RIMS2: variants seen among roughly 807,000 people sequenced by gnomAD.
RIMS2 encodes regulating synaptic membrane exocytosis protein 2.
Under a neutral mutation model 174.4 loss-of-function variants are expected in RIMS2, and 59 were observed. That is an observed-to-expected ratio of 0.34 (90% CI 0.27 to 0.42). RIMS2 has a LOEUF of 0.42. Ranked by LOEUF, RIMS2 falls within the 10% of genes least tolerant of loss-of-function variation. RIMS2 has a pLI of 1.00. For synonymous variants in RIMS2, 606 were observed against 572.5 expected (o/e 1.06, Z -0.84); for missense variants, 1,620 against 1,666.3 (o/e 0.97, Z 0.48).
intron 3 of RIMS2, among the ~76,000 whole-genome samples, chr8:103,778,540 T>C (rs1380694592): frequency 6.6e-6 from 1 of 152,110 alleles, no homozygotes; most frequent in African/African-American, 2.4e-5. Context: ...TTATTTCACT[T>C]AACATAATGA....
rs570313374 is a variant in RIMS2 at position 103,756,923 on chromosome 8, A to G, written c.388-9304A>G. Reference sequence around the variant, plus strand: ...ATAATCAAATGGCATTGCCAATCAAATAGTGTTCAAATAAGGACAGTTTTA... The same window carrying G: ...ATAATCAAATGGCATTGCCAATCAAGTAGTGTTCAAATAAGGACAGTTTTA... On this transcript the variant is annotated intron_variant, in intron 2 of 23. Coordinates refer to ENST00000504942, the Ensembl canonical transcript of RIMS2. Among the ~76,000 whole-genome samples the G allele has an allele frequency of 2.8e-4, 43 of 151,932 alleles. No individual in the cohort carries two copies. The South Asian group carries it at 9.0e-3, about 32-fold the overall frequency.
At chr8:103,714,649 A>T (rs914487220) in intron 2 of RIMS2, among the ~76,000 whole-genome samples, 3 of 152,198 alleles carry the variant, frequency 2.0e-5, no homozygotes, top group East Asian at 1.9e-4. Context: ...TTATTGACAG[A>T]TGATTTTGTC....
intron 1 of RIMS2, among the ~76,000 whole-genome samples, chr8:103,519,679 G>C (rs1830671773): frequency 6.7e-6 from 1 of 149,764 alleles, no homozygotes; most frequent in African/African-American, 2.5e-5. Context: ...CTTGATTTCT[G>C]GCTTGGGTTC....
chr8:103,919,826 A>T (rs1232768433), intron 9 of RIMS2, among the ~76,000 whole-genome samples: 2 of 152,154 alleles, frequency 1.3e-5, no homozygotes, highest in Non-Finnish European at 2.9e-5. Flanking sequence ...AAATGATTTT[A>T]TCCAAAGTAA....
Position 103,704,106 on chromosome 8 carries a change from T to C in RIMS2, c.387+6810T>C, listed in dbSNP as rs60251254. Among the ~76,000 whole-genome samples the C allele has an allele frequency of 1.0e-3, 152 of 151,230 alleles. 1 individual carries two copies. Among genetic ancestry groups the C allele is most frequent in the African/African-American group, 3.3e-3 (137 of 41,164 alleles). On this transcript the variant is annotated intron_variant, in intron 2 of 23. Transcript: ENST00000504942. ...TTTTAATTCTTTCCCTTCCATATGG[T>C]GCTAGCTGTAGGTTTGTCAAATATG...
chr8:104,030,794 T>TG (rs1184521531), intron 19 of RIMS2, among the ~76,000 whole-genome samples: 1 of 152,212 alleles, frequency 6.6e-6, no homozygotes, highest in African/African-American at 2.4e-5. Flanking sequence ...TCATTACCTC[T>TG]GGATATTTTA....
intron 19 of RIMS2, among the ~76,000 whole-genome samples, chr8:104,087,666 A>G (rs2097560575): frequency 6.6e-6 from 1 of 152,124 alleles, no homozygotes; most frequent in African/African-American, 2.4e-5. Context: ...GGGAGAACTA[A>G]ATAAAATAAT....
intron 19 of RIMS2, among the ~76,000 whole-genome samples, chr8:104,189,088 C>G (rs934576157): frequency 1.3e-5 from 2 of 151,774 alleles, no homozygotes; most frequent in African/African-American, 4.8e-5. Context: ...TTGTGTATTT[C>G]AAAAGTAAAT....
At chr8:103,609,906 G>T (rs2095307770) in intron 1 of RIMS2, among the ~76,000 whole-genome samples, 1 of 152,162 alleles carries the variant, frequency 6.6e-6, no homozygotes, top group South Asian at 2.1e-4. Context: ...CAGTGAATCT[G>T]TAAATTGCTT....
intron 2 of RIMS2, among the ~76,000 whole-genome samples, chr8:103,727,629 G>A (rs985203416): frequency 2.0e-5 from 3 of 152,114 alleles, no homozygotes; most frequent in African/African-American, 7.2e-5. Flanking sequence ...GCAAGAGATT[G>A]GGATCTAGTC....
intron 3 of RIMS2, 150 bp from the exon 7 acceptor site, chr8:103,885,148 C>A: frequency 8.6e-7 from 1 of 1,162,034 alleles, no homozygotes; most frequent in Non-Finnish European, 1.2e-6. Context: ...ATGAATACTA[C>A]TAAAACCATT....
In RIMS2 at chr8:103,830,888, AGCC is replaced by A. The variant is rs934201521; in HGVS notation, c.699-54409_699-54407del. Among the ~76,000 whole-genome samples the A allele has an allele frequency of 7.2e-5, 11 of 152,268 alleles. No individual in the cohort carries two copies. The East Asian group carries it at 1.5e-3, about 21-fold the overall frequency. On this transcript the variant is annotated intron_variant, in intron 3 of 23. Transcript: ENST00000504942. The stretch of plus-strand genomic sequence containing the variant: ...CAGTAGTGCAGCCTTGGCTCACCAC[AGCC>A]TCATCTTCCCATGCTCAAGCAATCC...
At chr8:103,502,751 A>G (rs186123060) in intron 1 of RIMS2, among the ~76,000 whole-genome samples, 3 of 152,196 alleles carry the variant, frequency 2.0e-5, no homozygotes, top group Non-Finnish European at 4.4e-5. Context: ...GGCCAAAATG[A>G]TGCTCCAGTA....
At chr8:104,243,502 T>G (rs2099313307) in intron 19 of RIMS2, among the ~76,000 whole-genome samples, 1 of 152,084 alleles carries the variant, frequency 6.6e-6, no homozygotes, top group Non-Finnish European at 1.5e-5. Flanking sequence ...CTGGCCAACA[T>G]AGCGAAACCC....
chr8:104,156,410 C>T lies in RIMS2; in HGVS notation c.3335-88506C>T, dbSNP rs112036862. 1.2e-4 allele frequency among the ~76,000 whole-genome samples: 18 copies of T among 152,238 alleles called. 1 individual carries two copies. Among genetic ancestry groups the T allele is most frequent in the African/African-American group, 3.9e-4 (16 of 41,534 alleles). On this transcript the variant is annotated intron_variant, in intron 19 of 23. Transcript: ENST00000504942. Reference sequence around the variant, plus strand: ...AAATGGGACATTGGGAAATTTATAGCCTTAGAGAGTGCCCAGGAAAAAGAG... The same window carrying T: ...AAATGGGACATTGGGAAATTTATAGTCTTAGAGAGTGCCCAGGAAAAAGAG...
intron 19 of RIMS2, among the ~76,000 whole-genome samples, chr8:104,210,292 T>G (rs1291880369): frequency 6.6e-6 from 1 of 152,224 alleles, no homozygotes; most frequent in Non-Finnish European, 1.5e-5. Context: ...GTGAGGTAAT[T>G]TTTGACATCA....
chr8:103,594,014 T>C (rs1433720941), intron 1 of RIMS2, among the ~76,000 whole-genome samples: 1 of 151,642 alleles, frequency 6.6e-6, no homozygotes, highest in Non-Finnish European at 1.5e-5. Flanking sequence ...TCTCATTTTT[T>C]TCAGATTCTG....
At chr8:103,570,391 T>A (rs2132318364) in intron 1 of RIMS2, among the ~76,000 whole-genome samples, 1 of 152,318 alleles carries the variant, frequency 6.6e-6, no homozygotes, top group Admixed American at 6.5e-5. Context: ...CAAAAGGCAA[T>A]TTTTTGAGTT....
intron 19 of RIMS2, among the ~76,000 whole-genome samples, chr8:104,017,764 C>T (rs1269884655): frequency 6.6e-6 from 1 of 152,090 alleles, no homozygotes; most frequent in Admixed American, 6.6e-5. Context: ...ATGTCAGAAA[C>T]GTATCAAAAA....
Sources: allele counts gnomAD v4.1 joint callset (sites outside exome capture counted in the v4.1 genomes callset), GRCh38; gene constraint gnomAD v4.1.1; transcripts MANE v1.5; gene names NCBI Gene and HGNC (gene_info 2026-07-23, HGNC 2026-07-21).